The following DAB1 variants were observed in gnomAD, a reference collection of about 807,000 sequenced individuals.
DAB1 encodes the protein disabled homolog 1.
A neutral mutation model predicts 64.6 loss-of-function variants in DAB1; 15 were observed. The observed-to-expected ratio is 0.23, with a 90% CI of 0.16 to 0.36. DAB1 has a LOEUF of 0.36. Among genes scored for constraint, DAB1 ranks in the 10% least tolerant of loss-of-function variants. The pLI is 1.00. For synonymous variants in DAB1, 235 were observed against 251.9 expected, an observed-to-expected ratio of 0.93 and a Z score of 0.64; for missense variants, 596 against 706.7, an observed-to-expected ratio of 0.84 and a Z score of 1.78.
chr1:57,583,088 T>A (rs959631276), intron 7 of DAB1, among the ~76,000 whole-genome samples: 2 of 152,124 alleles, frequency 1.3e-5, no homozygotes, highest in Non-Finnish European at 2.9e-5. Flanking sequence ...ATTATTGAAC[T>A]GCTGAGTTAG....
chr1:57,364,563 A>T (rs1006738049), intron 1 of DAB1, among the ~76,000 whole-genome samples: 4 of 152,144 alleles, frequency 2.6e-5, no homozygotes, highest in African/African-American at 9.6e-5. Flanking sequence ...GCATATATTA[A>T]CATATTCAGC....
intron 1 of DAB1, among the ~76,000 whole-genome samples, chr1:57,844,301 C>A (rs1190507085): frequency 6.6e-6 from 1 of 152,138 alleles, no homozygotes; most frequent in Non-Finnish European, 1.5e-5. Context: ...GCTTTTTCCT[C>A]TTTTTATTAT....
chr1:57,599,498 G>A (rs1007029875), intron 7 of DAB1, among the ~76,000 whole-genome samples: 1 of 151,810 alleles, frequency 6.6e-6, no homozygotes, highest in Non-Finnish European at 1.5e-5. Flanking sequence ...CCCCACGTGG[G>A]ACCAAATCGA....
At chr1:58,095,757 T>A (rs1210118698) in intron 5 of DAB1, among the ~76,000 whole-genome samples, 2 of 152,168 alleles carry the variant, frequency 1.3e-5, no homozygotes, top group Admixed American at 1.3e-4. Context: ...AGCTTTTACA[T>A]AGAAGTTGAG....
intron 2 of DAB1, among the ~76,000 whole-genome samples, chr1:57,146,068 G>A (rs1483407295): frequency 2.0e-5 from 3 of 152,188 alleles, no homozygotes; most frequent in Non-Finnish European, 4.4e-5. Context: ...TAATTATTAA[G>A]ATAATATTTT....
In DAB1 at chr1:58,373,651, G is replaced by A. The variant is rs554436494; in HGVS notation, n.258-30248C>T. Among the ~76,000 whole-genome samples the A allele has an allele frequency of 1.9e-4, 29 of 152,270 alleles. 1 individual carries two copies. Among genetic ancestry groups the A allele is most frequent in the Admixed American group, 6.5e-5 (1 of 15,302 alleles). ...TAAACATACGTCTTTATAGCCACGT[G>A]TCTTTATAGCAGCATGATTTATAGT... On this transcript the variant is annotated intron_variant and non_coding_transcript_variant, in intron 3 of 20. Coordinates refer to the DAB1 transcript ENST00000485760.
intron 5 of DAB1, among the ~76,000 whole-genome samples, chr1:58,094,634 T>C (rs1437706143): frequency 1.3e-5 from 2 of 152,250 alleles, no homozygotes; most frequent in South Asian, 2.1e-4. Flanking sequence ...GTACTGTATA[T>C]AAAACATTTA....
intron 7 of DAB1, among the ~76,000 whole-genome samples, chr1:57,596,227 T>C (rs1267414743): frequency 6.6e-6 from 1 of 152,214 alleles, no homozygotes; most frequent in Non-Finnish European, 1.5e-5. Context: ...CTCTGCCATG[T>C]GTAGTTATTG....
intron 7 of DAB1, among the ~76,000 whole-genome samples, chr1:57,624,029 G>A (rs1054576684): frequency 6.6e-6 from 1 of 152,200 alleles, no homozygotes; most frequent in African/African-American, 2.4e-5. Flanking sequence ...TGAATGACTA[G>A]AGAGTCTCTC....
At chr1:57,466,339 C>T (rs1365315725) in intron 7 of DAB1, among the ~76,000 whole-genome samples, 1 of 152,108 alleles carries the variant, frequency 6.6e-6, no homozygotes, top group Non-Finnish European at 1.5e-5. Flanking sequence ...CAATGTCTTC[C>T]AGTCTCCCTA....
At chr1:57,974,066 C>A (rs1645862127) in intron 5 of DAB1, among the ~76,000 whole-genome samples, 1 of 152,120 alleles carries the variant, frequency 6.6e-6, no homozygotes. Flanking sequence ...GATCCAGGCA[C>A]ACTAGCCTTC....
intron 2 of DAB1, among the ~76,000 whole-genome samples, chr1:57,162,380 G>C (rs74569727): frequency 0.052 from 7,922 of 152,234 alleles, 728 homozygotes; most frequent in African/African-American, 0.18. Context: ...AAAGAAGGAG[G>C]AAGCAGGAGA....
chr1:58,493,129 C>T (rs1453459445), intron 3 of DAB1, among the ~76,000 whole-genome samples: 9 of 152,086 alleles, frequency 5.9e-5, no homozygotes, highest in Admixed American at 1.3e-4. Context: ...AATCAATAAA[C>T]GTAATCCAGC....
chr1:57,128,764 G>A (rs967327035), intron 4 of DAB1, among the ~76,000 whole-genome samples: 12 of 152,200 alleles, frequency 7.9e-5, no homozygotes, highest in Admixed American at 2.0e-4. Context: ...CAGTCACAGG[G>A]CCTGTATGCA....
At chr1:58,523,386 C>T (rs1331785132) in intron 2 of DAB1, among the ~76,000 whole-genome samples, 1 of 152,114 alleles carries the variant, frequency 6.6e-6, no homozygotes, top group Non-Finnish European at 1.5e-5. Context: ...TGGTGTAAAC[C>T]TTACAGACTT....
chr1:57,682,653 C>T lies in DAB1; in HGVS notation n.552-32988G>A, dbSNP rs531426440. On this transcript the variant is annotated intron_variant and non_coding_transcript_variant, in intron 6 of 20. Coordinates refer to the DAB1 transcript ENST00000485760. ...TAGACACAGGGGACCCTGTGTCCCC[C>T]ATGGGCATGTGAACTGGCAAGGGGC... Among the ~76,000 whole-genome samples, 9 of 152,136 alleles carry T rather than the reference C, an allele frequency of 5.9e-5. No homozygotes were observed. In the South Asian group the frequency reaches 1.9e-3, roughly 32 times the overall value.
chr1:57,642,276 A>G (rs1646139653), intron 7 of DAB1, among the ~76,000 whole-genome samples: 1 of 152,226 alleles, frequency 6.6e-6, no homozygotes, highest in Admixed American at 6.5e-5. Flanking sequence ...CCTGTTCCCC[A>G]AAGGACACAG....
intron 6 of DAB1, among the ~76,000 whole-genome samples, chr1:57,690,774 A>T (rs548545769): frequency 6.6e-6 from 1 of 152,310 alleles, no homozygotes; most frequent in South Asian, 2.1e-4. Flanking sequence ...AGTGTGTGAC[A>T]GCTTCCTTTT....
chr1:57,094,021 A>C (rs2100668104), intron 4 of DAB1, among the ~76,000 whole-genome samples: 1 of 151,536 alleles, frequency 6.6e-6, no homozygotes, highest in Admixed American at 6.6e-5. Context: ...AGGCACAAGA[A>C]TCACTTGAAC....
Sources: gnomAD v4.1 joint callset for allele counts (sites outside exome capture counted in the v4.1 genomes callset) on GRCh38, gnomAD v4.1.1 for gene constraint, MANE v1.5 for transcripts, NCBI Gene and HGNC (gene_info 2026-07-23, HGNC 2026-07-21) for gene names.